SLC2A9: variants seen among roughly 807,000 people sequenced by gnomAD.
SLC2A9 encodes the protein solute carrier family 2, facilitated glucose transporter member 9.
Under a neutral mutation model 50.6 loss-of-function variants are expected in SLC2A9, and 39 were observed. That is an observed-to-expected ratio of 0.77 (90% confidence interval 0.60 to 1.01). The LOEUF is 1.01. SLC2A9 is among the 50% of genes least tolerant of loss of function. The pLI is 0.00. For missense variants in SLC2A9, 686 were observed against 677.6 expected (o/e 1.01, Z -0.14); for synonymous variants, 324 against 276.9 (o/e 1.17, Z -1.69).
chr4:9,946,210 A>G (rs550686558), intron 5 of SLC2A9, among the ~76,000 whole-genome samples: 1 of 145,954 alleles, frequency 6.9e-6, no homozygotes, highest in Non-Finnish European at 1.5e-5. Flanking sequence ...TTTAACTCCC[A>G]GTCAGGTCAG....
At chr4:9,893,659 G>T in intron 8 of SLC2A9, among the ~76,000 whole-genome samples, 1 of 152,106 alleles carries the variant, frequency 6.6e-6, no homozygotes, top group Non-Finnish European at 1.5e-5. Context: ...TCATGAGCTG[G>T]GTTTCATCAA....
intron 10 of SLC2A9, among the ~76,000 whole-genome samples, chr4:9,854,845 A>G (rs6826806): frequency 0.31 from 47,479 of 152,072 alleles, 8,292 homozygotes; most frequent in African/African-American, 0.43. Context: ...CACATAAACA[A>G]AAGTAAAAAC....
chr4:9,857,674 C>T (rs983011587), intron 10 of SLC2A9, among the ~76,000 whole-genome samples: 7 of 152,222 alleles, frequency 4.6e-5, no homozygotes, highest in African/African-American at 1.7e-4. Context: ...TCCCAGAGTT[C>T]CCCAGAGAAT....
chr4:9,969,378 T>G (rs532271473), intron 5 of SLC2A9, among the ~76,000 whole-genome samples: 2 of 152,246 alleles, frequency 1.3e-5, no homozygotes, highest in Non-Finnish European at 2.9e-5. Flanking sequence ...TATTTTCAAC[T>G]ATGGTAGTTT....
At chr4:9,895,481 G>T (rs975730131) in intron 8 of SLC2A9, among the ~76,000 whole-genome samples, 1 of 152,174 alleles carries the variant, frequency 6.6e-6, no homozygotes, top group South Asian at 2.1e-4. Context: ...ACGAACAGCA[G>T]ACTGAAGGCT....
chr4:9,795,372 G>A (rs1166580217), downstream of SLC2A9, among the ~76,000 whole-genome samples: 1 of 152,054 alleles, frequency 6.6e-6, no homozygotes, highest in Non-Finnish European at 1.5e-5. Flanking sequence ...TTGCTGTACT[G>A]AGCAGTGAGA....
intron 8 of SLC2A9, among the ~76,000 whole-genome samples, chr4:9,906,536 T>C (rs924872719): frequency 9.8e-5 from 15 of 152,364 alleles, no homozygotes; most frequent in African/African-American, 3.6e-4. Context: ...ATAGGATTAC[T>C]GTGCTACTAT....
In SLC2A9 at chr4:9,862,773, G is replaced by C. The variant is rs551569160; in HGVS notation, c.1291+24794C>G. On this transcript the variant is annotated intron_variant, in intron 10 of 11. Coordinates refer to ENST00000264784, the MANE Select transcript of SLC2A9 (RefSeq NM_020041.3). The stretch of plus-strand genomic sequence containing the variant: ...TCCCATCACCCTAGCCCCTTACCCT[G>C]TTTATTCCTTCCTAGCACTGGTCAG... Among the ~76,000 whole-genome samples, 159 of 151,994 alleles carry C rather than the reference G, an allele frequency of 1.0e-3. 4 individuals carry two copies. Among genetic ancestry groups the C allele is most frequent in the African/African-American group, 3.7e-3 (151 of 41,328 alleles).
intron 10 of SLC2A9, among the ~76,000 whole-genome samples, chr4:9,862,013 C>T (rs757333164): frequency 1.3e-5 from 2 of 152,176 alleles, no homozygotes; most frequent in Non-Finnish European, 2.9e-5. Context: ...CTTTCCTTTG[C>T]TAATATGGAA....
intron 3 of SLC2A9, among the ~76,000 whole-genome samples, chr4:9,793,507 A>G (rs770091077): frequency 3.9e-5 from 6 of 152,226 alleles, no homozygotes; most frequent in Non-Finnish European, 8.8e-5. Context: ...TTATGCTTTC[A>G]CAATATCCCA....
intron 10 of SLC2A9, among the ~76,000 whole-genome samples, chr4:9,866,954 C>T (rs1026311543): frequency 6.6e-6 from 1 of 152,196 alleles, no homozygotes; most frequent in African/African-American, 2.4e-5. Flanking sequence ...TTGTTCTTTA[C>T]ACATCCACTT....
chr4:10,021,303 C>A lies in SLC2A9; in HGVS notation c.127G>T (p.Val43Leu). ...LLECDHLRSG[V>L]PGGRRRKDWS... ...ACCTTTCTTCTCCTTCCACCTGGCA[C>A]CCCACTCCTCAGGTGGTCACACTCC... The change falls in exon 1 of 12, where the codon GTG becomes TTG. Residue 43 changes from valine (V) to leucine (L), a missense_variant. Physicochemically the swap from Val to Leu is conservative, Grantham distance 32 (BLOSUM62 1). Coordinates refer to ENST00000264784, the MANE Select transcript of SLC2A9 (RefSeq NM_020041.3). 3.1e-6 allele frequency: 5 copies of A among 1,614,010 alleles called. No homozygotes were observed. Among genetic ancestry groups the A allele is most frequent in the Non-Finnish European group, 4.2e-6 (5 of 1,180,042 alleles).
intron 10 of SLC2A9, among the ~76,000 whole-genome samples, chr4:9,837,400 A>G (rs1015258487): frequency 6.6e-6 from 1 of 152,170 alleles, no homozygotes; most frequent in African/African-American, 2.4e-5. Context: ...TGCAGCTAAC[A>G]CCACTGGGAA....
intron 5 of SLC2A9, among the ~76,000 whole-genome samples, chr4:9,949,753 A>G (rs1749870265): frequency 6.6e-6 from 1 of 152,158 alleles, no homozygotes; most frequent in Non-Finnish European, 1.5e-5. Context: ...ACACTCCTCT[A>G]TGGCAGGTCC....
intron 3 of SLC2A9, among the ~76,000 whole-genome samples, chr4:9,802,705 CCCA>C (rs984240149): frequency 1.3e-5 from 2 of 151,696 alleles, no homozygotes; most frequent in African/African-American, 4.8e-5. Context: ...ATTACAGGTG[CCCA>C]CCACTACGCC....
chr4:9,944,815 G>A (rs1748812022), intron 5 of SLC2A9, among the ~76,000 whole-genome samples: 1 of 152,222 alleles, frequency 6.6e-6, no homozygotes, highest in South Asian at 2.1e-4. Context: ...GTTATAGTTA[G>A]GAGAGATTAT....
At chr4:9,786,446 T>A (rs554296923) in intron 3 of SLC2A9, among the ~76,000 whole-genome samples, 3 of 152,254 alleles carry the variant, frequency 2.0e-5, no homozygotes, top group East Asian at 1.9e-4. Flanking sequence ...GGACATTCAG[T>A]TTTTTGTTCA....
intron 10 of SLC2A9, among the ~76,000 whole-genome samples, chr4:9,847,464 G>C (rs374736496): frequency 2.6e-5 from 4 of 152,354 alleles, no homozygotes; most frequent in Non-Finnish European, 5.9e-5. Flanking sequence ...TTTGACATGA[G>C]ATTTGGGTGG....
chr4:9,992,514 C>A (rs564373298), intron 3 of SLC2A9, among the ~76,000 whole-genome samples: 58 of 152,350 alleles, frequency 3.8e-4, no homozygotes, highest in African/African-American at 1.4e-3. Context: ...ACATTGCCCT[C>A]TGGTTGAGAA....
Sources: allele counts gnomAD v4.1 joint callset (sites outside exome capture counted in the v4.1 genomes callset), GRCh38; gene constraint gnomAD v4.1.1; transcripts MANE v1.5; gene names NCBI Gene and HGNC (gene_info 2026-07-23, HGNC 2026-07-21).